The following TJP1 variants were observed in gnomAD, a reference collection of about 807,000 sequenced individuals.
The protein encoded by TJP1 is tight junction protein 1, also known as tight junction protein ZO-1.
A neutral mutation model predicts 194.2 loss-of-function variants in TJP1; 43 were observed. The ratio of observed to expected loss-of-function variants is 0.22; its 90% CI spans 0.17 to 0.29. TJP1 has a LOEUF of 0.29. Among genes scored for constraint, TJP1 ranks in the 10% least tolerant of loss-of-function variants. TJP1 has a pLI of 1.00. For synonymous variants in TJP1, 801 were observed against 779.0 expected, an observed-to-expected ratio of 1.03 and a Z score of -0.47; for missense variants, 1,971 against 2,185.7, an observed-to-expected ratio of 0.90 and a Z score of 1.96.
At chr15:29,748,715 G>A (rs1362141014) in intron 8 of TJP1, among the ~76,000 whole-genome samples, 1 of 151,936 alleles carries the variant, frequency 6.6e-6, no homozygotes, top group East Asian at 1.9e-4. Flanking sequence ...CTGGACTACA[G>A]ATGCGTGCCA....
chr15:29,762,562 A>G, intron 5 of TJP1, 124 bp from the exon 6 acceptor site: 1 of 653,258 alleles, frequency 1.5e-6, no homozygotes, highest in Non-Finnish European at 2.5e-6. Context: ...ATAACAAGAA[A>G]TATTTCTTGG....
intron 2 of TJP1, 52 bp from the exon 3 acceptor site, chr15:29,773,409 TATATC>T (rs767810582): frequency 4.5e-6 from 7 of 1,571,906 alleles, no homozygotes; most frequent in Non-Finnish European, 5.2e-6. Context: ...AAATAATTGT[TATATC>T]ATACTCTACA....
At chr15:29,924,972 T>A (rs991840169) in intron 2 of TJP1, among the ~76,000 whole-genome samples, 10 of 152,200 alleles carry the variant, frequency 6.6e-5, no homozygotes, top group Non-Finnish European at 1.3e-4. Context: ...CAGAATGCAG[T>A]GGCTGTGAAC....
chr15:29,928,436 T>C (rs2054593536), intron 2 of TJP1, among the ~76,000 whole-genome samples: 1 of 141,814 alleles, frequency 7.1e-6, no homozygotes, highest in African/African-American at 2.7e-5. Context: ...CAACTATAAA[T>C]TGTTTAAGCC....
At chr15:29,900,883 T>G (rs1006470540) in intron 2 of TJP1, among the ~76,000 whole-genome samples, 2 of 152,140 alleles carry the variant, frequency 1.3e-5, no homozygotes, top group African/African-American at 4.8e-5. Flanking sequence ...TCATCCTTTA[T>G]AGTACAAGCT....
chr15:29,899,237 A>G (rs2053566996), intron 2 of TJP1, among the ~76,000 whole-genome samples: 1 of 152,224 alleles, frequency 6.6e-6, no homozygotes, highest in Admixed American at 6.5e-5. Flanking sequence ...GTGGACCCCC[A>G]CTAGCATGAA....
intron 2 of TJP1, among the ~76,000 whole-genome samples, chr15:29,857,188 C>T (rs2051889928): frequency 6.6e-6 from 1 of 151,694 alleles, no homozygotes; most frequent in South Asian, 2.1e-4. Flanking sequence ...TTGGGGAGTC[C>T]AGTCTAAATA....
At chr15:29,851,889 C>A (rs928755185) in intron 2 of TJP1, among the ~76,000 whole-genome samples, 1 of 152,114 alleles carries the variant, frequency 6.6e-6, no homozygotes, top group Non-Finnish European at 1.5e-5. Flanking sequence ...GAAGGATAGC[C>A]TTTTGGATAA....
Position 29,720,434 on chromosome 15 carries a change from G to T in TJP1, c.2687C>A (p.Pro896His), listed in dbSNP as rs749226763. Reference sequence around the variant, plus strand: ...TGGCTGCGCTTGTGGTGAGTAAGGAGGATATGTTTGGTTTTCATGATGCAT... The same window carrying T: ...TGGCTGCGCTTGTGGTGAGTAAGGATGATATGTTTGGTTTTCATGATGCAT... ...SGMHHENQTYPPYSPQAQPQP... is the reference protein window; with the variant it reads ...SGMHHENQTYHPYSPQAQPQP... The change falls in exon 19 of 28, where the codon CCT becomes CAT. Residue 896 changes from proline (P) to histidine (H), a missense_variant. By Grantham distance (77) the Pro-to-His change is moderately conservative. This residue lies in a region of TJP1 where 1,108 missense variants were observed against 1,128.5 expected (regional missense o/e 0.98). Transcript: ENST00000614355. 6.2e-6 allele frequency: 10 copies of T among 1,614,092 alleles called. No individual in the cohort carries two copies. In the East Asian group the frequency reaches 1.8e-4, roughly 29 times the overall value.
At chr15:29,736,485 G>A (rs1051349384) in intron 11 of TJP1, among the ~76,000 whole-genome samples, 2 of 152,172 alleles carry the variant, frequency 1.3e-5, no homozygotes, top group African/African-American at 4.8e-5. Context: ...TGGTAGAGAA[G>A]CAGAATAAAT....
rs541870128 is a variant in TJP1 at position 29,813,952 on chromosome 15, T to C, written c.27+8050A>G. On this transcript the variant is annotated intron_variant, in intron 1 of 27. Transcript: ENST00000614355. ...ATTTCACAGCTTCTTGAACCCTAAA[T>C]GTAACAGTAACAGCTAGTATAGTGT... 3.3e-5 allele frequency among the ~76,000 whole-genome samples: 5 copies of C among 152,316 alleles called. No individual in the cohort carries two copies. In the East Asian group the frequency reaches 9.6e-4, roughly 29 times the overall value.
At chr15:29,803,363 A>T (rs567819109) in intron 1 of TJP1, among the ~76,000 whole-genome samples, 12 of 152,292 alleles carry the variant, frequency 7.9e-5, no homozygotes, top group African/African-American at 2.9e-4. Context: ...TCAAGAAATT[A>T]TATGAGATAT....
At chr15:29,738,113 TG>T (rs1164607810) in intron 10 of TJP1, among the ~76,000 whole-genome samples, 2 of 152,180 alleles carry the variant, frequency 1.3e-5, no homozygotes, top group Non-Finnish European at 2.9e-5. Flanking sequence ...AGTGTAGTGT[TG>T]AAACCTTGTG....
chr15:29,727,365 CCAAAA>C (rs924328910), intron 16 of TJP1, among the ~76,000 whole-genome samples: 5 of 152,092 alleles, frequency 3.3e-5, no homozygotes, highest in South Asian at 2.1e-4. Flanking sequence ...CAAATACAAA[CCAAAA>C]CAAAACAAAA....
At chr15:29,727,365 C>A (rs981506649) in intron 16 of TJP1, among the ~76,000 whole-genome samples, 1 of 151,974 alleles carries the variant, frequency 6.6e-6, no homozygotes, top group South Asian at 2.1e-4. Flanking sequence ...CAAATACAAA[C>A]CAAAACAAAA....
At chr15:29,815,143 A>G (rs1194264428) in intron 1 of TJP1, among the ~76,000 whole-genome samples, 1 of 152,220 alleles carries the variant, frequency 6.6e-6, no homozygotes, top group African/African-American at 2.4e-5. Flanking sequence ...ATGGAAATAA[A>G]GCACCTGGCT....
intron 8 of TJP1, among the ~76,000 whole-genome samples, chr15:29,752,230 G>A (rs1009750677): frequency 6.6e-6 from 1 of 151,970 alleles, no homozygotes; most frequent in Non-Finnish European, 1.5e-5. Context: ...AGCCTTCCGA[G>A]TAGCTGGGAT....
At chr15:29,891,524 T>G (rs965262199) in intron 2 of TJP1, among the ~76,000 whole-genome samples, 3 of 152,228 alleles carry the variant, frequency 2.0e-5, no homozygotes, top group African/African-American at 7.2e-5. Context: ...TTTTATAAAT[T>G]GAAGGTTTGT....
intron 1 of TJP1, among the ~76,000 whole-genome samples, chr15:29,808,503 A>G (rs45551132): frequency 3.3e-5 from 5 of 152,328 alleles, no homozygotes; most frequent in African/African-American, 1.2e-4. Flanking sequence ...AAAAATTCAA[A>G]ATAAAGTAAC....
Sources: gnomAD v4.1 joint callset for allele counts (sites outside exome capture counted in the v4.1 genomes callset) on GRCh38, gnomAD v4.1.1 for gene constraint, gnomAD v4.1.1 regional missense constraint, MANE v1.5 for transcripts, NCBI Gene and HGNC (gene_info 2026-07-23, HGNC 2026-07-21) for gene names.